The following ZNF385D variants were observed in gnomAD, a reference collection of about 807,000 sequenced individuals.
ZNF385D encodes the protein zinc finger protein 385D, also known as zinc finger protein 659.
In ZNF385D, 15 loss-of-function variants were observed where a neutral mutation model predicts 35.8. The observed-to-expected ratio is 0.42, with a 90% CI of 0.28 to 0.64. ZNF385D has a LOEUF of 0.64. Among genes scored for constraint, ZNF385D ranks in the 30% least tolerant of loss-of-function variants. ZNF385D has a pLI of 0.23. For missense variants in ZNF385D, 474 were observed against 494.6 expected (o/e 0.96, Z 0.39); for synonymous variants, 212 against 186.8 (o/e 1.13, Z -1.10).
Position 22,210,720 on chromosome 3 carries a change from A to G in ZNF385D, c.107-41685T>C, listed in dbSNP as rs1576501260. Among the ~76,000 whole-genome samples, 3 of 151,894 alleles carry G rather than the reference A, an allele frequency of 2.0e-5. No homozygotes were observed. The East Asian group carries it at 5.8e-4, about 29-fold the overall frequency. On this transcript the variant is annotated intron_variant, in intron 2 of 5. Transcript: ENST00000494108. Reference sequence around the variant, plus strand: ...TTGGAGATTAATTAATCTCTCACCTACTAGCAAACCATTTCCCTCTACACC... The same window carrying G: ...TTGGAGATTAATTAATCTCTCACCTGCTAGCAAACCATTTCCCTCTACACC...
intron 2 of ZNF385D, among the ~76,000 whole-genome samples, chr3:22,261,846 T>C (rs1056278233): frequency 6.6e-6 from 1 of 152,006 alleles, no homozygotes; most frequent in Non-Finnish European, 1.5e-5. Context: ...CTCAAGCCTA[T>C]GGGTGATAAT....
chr3:21,978,152 T>C (rs955731987), intron 3 of ZNF385D: 1 of 152,222 alleles, frequency 6.6e-6, no homozygotes, highest in Admixed American at 6.5e-5. Flanking sequence ...TCTCCAGAGG[T>C]AGGATGTCTT....
chr3:21,823,856 T>C (rs1694431786), intron 3 of ZNF385D, among the ~76,000 whole-genome samples: 2 of 152,056 alleles, frequency 1.3e-5, no homozygotes. Context: ...TCCCAAGGAG[T>C]TCCCATTGCT....
At chr3:22,124,996 C>T (rs1460315199) in intron 3 of ZNF385D, among the ~76,000 whole-genome samples, 1 of 152,062 alleles carries the variant, frequency 6.6e-6, no homozygotes, top group Non-Finnish European at 1.5e-5. Flanking sequence ...TTTTCCCAGA[C>T]CAACATCCTG....
At chr3:22,306,791 T>G (rs763588904) in intron 2 of ZNF385D, among the ~76,000 whole-genome samples, 1 of 152,130 alleles carries the variant, frequency 6.6e-6, no homozygotes, top group Non-Finnish European at 1.5e-5. Flanking sequence ...AGGCTAGGCT[T>G]ACTGGATTTG....
At chr3:21,601,951 G>T (rs920852142) in intron 2 of ZNF385D, among the ~76,000 whole-genome samples, 4 of 152,150 alleles carry the variant, frequency 2.6e-5, no homozygotes, top group Admixed American at 2.0e-4. Flanking sequence ...TAAAGCACGT[G>T]TATTAGTCCA....
At chr3:21,660,621 G>A (rs184973944) in intron 2 of ZNF385D, among the ~76,000 whole-genome samples, 1 of 152,310 alleles carries the variant, frequency 6.6e-6, no homozygotes, top group Non-Finnish European at 1.5e-5. Context: ...AAGGGAAATG[G>A]TGAGACGCTA....
chr3:21,424,426 G>T (rs1018973518), intron 6 of ZNF385D, among the ~76,000 whole-genome samples: 4 of 141,332 alleles, frequency 2.8e-5, no homozygotes, highest in Non-Finnish European at 4.6e-5. Flanking sequence ...GCAATTATCT[G>T]CCTCAGCCTC....
At chr3:22,037,011 C>T (rs1254081107) in intron 3 of ZNF385D, among the ~76,000 whole-genome samples, 2 of 151,812 alleles carry the variant, frequency 1.3e-5, no homozygotes, top group Admixed American at 6.6e-5. Flanking sequence ...TGGTTTCCAG[C>T]TTCATCCATA....
intron 3 of ZNF385D, among the ~76,000 whole-genome samples, chr3:22,114,979 T>C (rs929291397): frequency 3.9e-5 from 6 of 152,074 alleles, no homozygotes; most frequent in African/African-American, 1.4e-4. Flanking sequence ...GATCTTTGAC[T>C]TGGCAGCCTC....
intron 2 of ZNF385D, among the ~76,000 whole-genome samples, chr3:21,638,787 C>G (rs145585731): frequency 1.7e-4 from 26 of 152,190 alleles, no homozygotes; most frequent in African/African-American, 6.0e-4. Context: ...TCTTGTAATA[C>G]TCAGGTTTCT....
chr3:21,537,007 A>G (rs547335073), intron 3 of ZNF385D, among the ~76,000 whole-genome samples: 181 of 152,160 alleles, frequency 1.2e-3, no homozygotes, highest in African/African-American at 3.7e-3. Context: ...TTGTCAAGGA[A>G]GCAAAATTTC....
intron 3 of ZNF385D, among the ~76,000 whole-genome samples, chr3:21,808,132 T>C (rs1192778914): frequency 6.6e-6 from 1 of 152,132 alleles, no homozygotes; most frequent in Non-Finnish European, 1.5e-5. Context: ...ATATACAAAA[T>C]AGTAGTGACA....
At chr3:21,513,555 A>C (rs1707364922) in intron 3 of ZNF385D, among the ~76,000 whole-genome samples, 1 of 152,180 alleles carries the variant, frequency 6.6e-6, no homozygotes, top group Non-Finnish European at 1.5e-5. Flanking sequence ...AATTATATGA[A>C]GGTCCAAGGC....
At chr3:21,709,314 C>A (rs983537739) in intron 1 of ZNF385D, among the ~76,000 whole-genome samples, 1 of 152,100 alleles carries the variant, frequency 6.6e-6, no homozygotes, top group African/African-American at 2.4e-5. Context: ...TCCTTCCAAA[C>A]ATTCAATGAC....
At chr3:21,807,002 G>C (rs531497632) in intron 3 of ZNF385D, among the ~76,000 whole-genome samples, 1 of 152,132 alleles carries the variant, frequency 6.6e-6, no homozygotes, top group Non-Finnish European at 1.5e-5. Context: ...TTATTTTTCT[G>C]ATTTGAATCC....
In ZNF385D at chr3:22,042,051, G is replaced by A. The variant is rs184252140; in HGVS notation, c.325+126766C>T. ...GAGAAACATAGTGGTGTTAATTAGC[G>A]GGTAGGTAACTACTTCCTAAATATG... On this transcript the variant is annotated intron_variant, in intron 3 of 5. Coordinates refer to the ZNF385D transcript ENST00000494108. Among the ~76,000 whole-genome samples the A allele has an allele frequency of 2.7e-4, 41 of 152,190 alleles. 1 individual carries two copies. The highest frequency in any genetic ancestry group is 2.2e-3 in the Admixed American group (34 of 15,264).
At chr3:21,921,240 A>AAT (rs1700447134) in intron 3 of ZNF385D, among the ~76,000 whole-genome samples, 2 of 151,622 alleles carry the variant, frequency 1.3e-5, no homozygotes, top group South Asian at 4.2e-4. Context: ...AAAAAAAAAA[A>AAT]AAATACTGAA....
intron 3 of ZNF385D, among the ~76,000 whole-genome samples, chr3:21,817,650 G>C (rs923523225): frequency 1.3e-5 from 2 of 152,148 alleles, no homozygotes; most frequent in Non-Finnish European, 2.9e-5. Flanking sequence ...AGTTAGAATG[G>C]AGATCATTAA....
Sources: allele counts gnomAD v4.1 joint callset (sites outside exome capture counted in the v4.1 genomes callset), GRCh38; gene constraint gnomAD v4.1.1; transcripts MANE v1.5; gene names NCBI Gene and HGNC (gene_info 2026-07-23, HGNC 2026-07-21).